The following NECTIN3 variants were observed in gnomAD, a reference collection of about 807,000 sequenced individuals.
The protein encoded by NECTIN3 is nectin cell adhesion molecule 3.
In NECTIN3, 8 loss-of-function variants were observed where a neutral mutation model predicts 49.4. That is an observed-to-expected ratio of 0.16 (90% CI 0.10 to 0.29). The LOEUF is 0.29. Among genes scored for constraint, NECTIN3 ranks in the 10% least tolerant of loss-of-function variants. The pLI is 1.00. For synonymous variants in NECTIN3, 277 were observed against 241.1 expected (o/e 1.15, Z -1.38); for missense variants, 581 against 654.6 (o/e 0.89, Z 1.23).
chr3:111,192,446 T>C, intron 1 of NECTIN3: 2 of 1,499,218 alleles, frequency 1.3e-6, no homozygotes, highest in Non-Finnish European at 1.8e-6. Context: ...TCAGCCCAGG[T>C]GGAGCTGGTA....
chr3:111,091,354 C>T (rs2032256798), intron 1 of NECTIN3, among the ~76,000 whole-genome samples: 1 of 152,088 alleles, frequency 6.6e-6, no homozygotes, highest in African/African-American at 2.4e-5. Flanking sequence ...CTCCCAGGTT[C>T]ACGCCATCTC....
chr3:111,118,209 A>G (rs1166654880), intron 2 of NECTIN3, among the ~76,000 whole-genome samples: 1 of 138,076 alleles, frequency 7.2e-6, no homozygotes, highest in Non-Finnish European at 1.6e-5. Context: ...CTTATTTTTA[A>G]AAGTATTTGC....
intron 2 of NECTIN3, among the ~76,000 whole-genome samples, chr3:111,113,700 C>T: frequency 6.6e-6 from 1 of 152,008 alleles, no homozygotes. Flanking sequence ...AAAAAGGTAA[C>T]ACAAAGTACT....
intron 1 of NECTIN3, among the ~76,000 whole-genome samples, chr3:111,080,217 C>T (rs1055629706): frequency 3.9e-5 from 6 of 152,020 alleles, no homozygotes; most frequent in African/African-American, 7.2e-5. Flanking sequence ...TTTTCAACTT[C>T]GGGATTCTTA....
At chr3:111,143,734 T>C (rs1411230276) in intron 5 of NECTIN3, among the ~76,000 whole-genome samples, 1 of 151,976 alleles carries the variant, frequency 6.6e-6, no homozygotes, top group African/African-American at 2.4e-5. Flanking sequence ...GCGTTATATA[T>C]GTTAACAAAA....
chr3:111,168,182 T>C lies in NECTIN3; in HGVS notation c.1221+20698T>C, dbSNP rs1252891974. ...AGCCAGATAAGGGGAAAAAATAACA[T>C]ACAAAGAGCTATGGTAATACAGAGG... On this transcript the variant is annotated intron_variant, in intron 7 of 8. Transcript: ENST00000493615. 7.2e-5 allele frequency among the ~76,000 whole-genome samples: 11 copies of C among 152,222 alleles called. No individual in the cohort carries two copies. In the South Asian group the frequency reaches 2.1e-3, roughly 29 times the overall value.
intron 7 of NECTIN3, among the ~76,000 whole-genome samples, chr3:111,156,624 A>G (rs2035103535): frequency 6.6e-6 from 1 of 152,196 alleles, no homozygotes; most frequent in South Asian, 2.1e-4. Context: ...ATCTGAAGCC[A>G]CCAAATTATT....
At chr3:111,121,586 G>A (rs186712745) in intron 3 of NECTIN3, among the ~76,000 whole-genome samples, 20 of 152,238 alleles carry the variant, frequency 1.3e-4, no homozygotes, top group Admixed American at 1.3e-3. Context: ...GAAAGCCTGT[G>A]TCACATCTCT....
chr3:111,166,490 C>G (rs562618393), intron 7 of NECTIN3, among the ~76,000 whole-genome samples: 4 of 152,316 alleles, frequency 2.6e-5, no homozygotes, highest in Non-Finnish European at 5.9e-5. Flanking sequence ...TTTGTAGAAC[C>G]TGCAGAAGTC....
At chr3:111,148,192 T>C (rs1431629181) in intron 7 of NECTIN3, among the ~76,000 whole-genome samples, 1 of 152,242 alleles carries the variant, frequency 6.6e-6, no homozygotes, top group Non-Finnish European at 1.5e-5. Flanking sequence ...AAATATGTCC[T>C]GTATCTTCAG....
At chr3:111,077,665 A>T (rs189918807) in intron 1 of NECTIN3, among the ~76,000 whole-genome samples, 1 of 152,212 alleles carries the variant, frequency 6.6e-6, no homozygotes, top group Admixed American at 6.5e-5. Flanking sequence ...GAAAGACAAC[A>T]TCAGATAATT....
intron 7 of NECTIN3, among the ~76,000 whole-genome samples, chr3:111,171,579 C>A (rs1160876980): frequency 6.6e-6 from 1 of 152,154 alleles, no homozygotes; most frequent in African/African-American, 2.4e-5. Context: ...AATATACCAT[C>A]ATTTCCCAAC....
chr3:111,135,920 C>G lies in NECTIN3; in HGVS notation c.*1705C>G. On this transcript the variant is annotated 3_prime_UTR_variant, in exon 6 of 6. Transcript: ENST00000485303. ...AGGCTGTAGTATCAGGTTAAGGATA[C>G]AGATAAATAAAGTTCACTTATATCT... 1.1e-6 allele frequency: 1 copy of G among 918,834 alleles called. No individual in the cohort carries two copies. The highest frequency in any genetic ancestry group is 1.3e-6 in the Non-Finnish European group (1 of 770,518). The allele number at this position is 918,834 out of a possible 1,614,324, so 56.9% of individuals were successfully genotyped here.
intron 1 of NECTIN3, among the ~76,000 whole-genome samples, chr3:111,084,437 A>T (rs2031809607): frequency 6.6e-6 from 1 of 152,204 alleles, no homozygotes; most frequent in East Asian, 1.9e-4. Flanking sequence ...TTAATTGAGC[A>T]CTAGGTCTAC....
chr3:111,179,997 A>G (rs2035598959), intron 7 of NECTIN3, among the ~76,000 whole-genome samples: 1 of 152,202 alleles, frequency 6.6e-6, no homozygotes, highest in African/African-American at 2.4e-5. Context: ...AGAACTAATA[A>G]TTAACTTAAA....
At chr3:111,095,597 T>TGGG (rs2032539403) in intron 1 of NECTIN3, among the ~76,000 whole-genome samples, 1 of 152,216 alleles carries the variant, frequency 6.6e-6, no homozygotes, top group African/African-American at 2.4e-5. Context: ...TAATATGGTT[T>TGGG]GGTGGTGTCC....
chr3:111,147,302 T>G (rs1258072254), intron 6 of NECTIN3: 2 of 863,252 alleles, frequency 2.3e-6, no homozygotes, highest in African/African-American at 3.4e-5. Flanking sequence ...CTATATAATA[T>G]GAGGAAAATA....
chr3:111,172,265 G>A (rs558064863), intron 7 of NECTIN3, among the ~76,000 whole-genome samples: 29 of 152,144 alleles, frequency 1.9e-4, no homozygotes, highest in Non-Finnish European at 8.8e-5. Context: ...TCACGCATGT[G>A]CACACAAGCA....
At chr3:111,082,939 A>C (rs993130259) in intron 1 of NECTIN3, among the ~76,000 whole-genome samples, 1 of 152,192 alleles carries the variant, frequency 6.6e-6, no homozygotes, top group Non-Finnish European at 1.5e-5. Context: ...CCACATGTGC[A>C]GTTCTCAGTA....
Sources: allele counts gnomAD v4.1 joint callset (sites outside exome capture counted in the v4.1 genomes callset), GRCh38; gene constraint gnomAD v4.1.1; transcripts MANE v1.5; gene names NCBI Gene and HGNC (gene_info 2026-07-23, HGNC 2026-07-21).